FNBP1L: variants seen among roughly 807,000 people sequenced by gnomAD.
FNBP1L encodes formin binding protein 1 like, also known as formin-binding protein 1-like.
FNBP1L carries 36 observed loss-of-function variants against 91.2 expected under a neutral mutation model. The observed-to-expected ratio is 0.39, with a 90% CI of 0.30 to 0.52. The LOEUF (loss-of-function observed/expected upper bound fraction) is 0.52, where lower values mean the gene tolerates loss of function less well. Ranked by LOEUF, FNBP1L falls within the 20% of genes least tolerant of loss-of-function variation. The pLI is 0.66. For missense variants in FNBP1L, 571 were observed against 732.1 expected, an observed-to-expected ratio of 0.78 and a Z score of 2.54; for synonymous variants, 242 against 237.0, an observed-to-expected ratio of 1.02 and a Z score of -0.19.
At chr1:93,514,479 A>C (rs1246954077) in intron 2 of FNBP1L, among the ~76,000 whole-genome samples, 1 of 151,862 alleles carries the variant, frequency 6.6e-6, no homozygotes, top group Admixed American at 6.6e-5. Flanking sequence ...AAGCCAAAAG[A>C]ACAAAGCTGG....
intron 4 of FNBP1L, among the ~76,000 whole-genome samples, chr1:93,523,705 A>T (rs1671406636): frequency 6.6e-6 from 1 of 152,168 alleles, no homozygotes; most frequent in African/African-American, 2.4e-5. Flanking sequence ...GACCCAACCA[A>T]CTGCTTGGTT....
At chr1:93,523,253 A>G in intron 3 of FNBP1L, 91 bp from the exon 4 acceptor site, 1 of 1,322,388 alleles carries the variant, frequency 7.6e-7, no homozygotes, top group Non-Finnish European at 9.9e-7. Flanking sequence ...AATATGCTAA[A>G]ATTTGCGAAA....
chr1:93,459,023 C>G (rs1668767563), intron 1 of FNBP1L, among the ~76,000 whole-genome samples: 1 of 152,066 alleles, frequency 6.6e-6, no homozygotes, highest in Non-Finnish European at 1.5e-5. Context: ...GCCTGTAATC[C>G]CAGCACTTTG....
At chr1:93,547,936 A>G (rs1672296003) in intron 14 of FNBP1L, among the ~76,000 whole-genome samples, 1 of 152,180 alleles carries the variant, frequency 6.6e-6, no homozygotes, top group African/African-American at 2.4e-5. Flanking sequence ...TCCACAAATT[A>G]GGATTCACCT....
Position 93,553,678 on chromosome 1 carries a change from T to C in FNBP1L, c.*1262T>C, listed in dbSNP as rs1474905485. On this transcript the variant is annotated 3_prime_UTR_variant, in exon 17 of 17. Coordinates refer to ENST00000271234, the MANE Select transcript of FNBP1L (RefSeq NM_001164473.3). ...ACTTTGTAATGATCTATGTGCACTT[T>C]TACTTGTAAAATGGAATTTCTGTAT... is the stretch of plus-strand genomic sequence containing the variant. The C allele has an allele frequency of 6.5e-6, 1 of 152,678 alleles. No homozygotes were observed. Among genetic ancestry groups the C allele is most frequent in the Non-Finnish European group, 1.5e-5 (1 of 68,042 alleles). 9.5% of individuals were successfully genotyped at this position (152,678 alleles called of 1,614,324 possible).
intron 8 of FNBP1L, among the ~76,000 whole-genome samples, chr1:93,534,456 C>G (rs1399353395): frequency 6.6e-6 from 1 of 152,002 alleles, no homozygotes; most frequent in Non-Finnish European, 1.5e-5. Flanking sequence ...TTAAAGCTAC[C>G]AAGTAAAAAC....
intron 2 of FNBP1L, among the ~76,000 whole-genome samples, chr1:93,520,659 C>T (rs979378307): frequency 2.0e-5 from 3 of 152,040 alleles, no homozygotes; most frequent in African/African-American, 7.2e-5. Context: ...ATTTATTTCT[C>T]GTAACTGTAT....
rs542292527 is a variant in FNBP1L at position 93,504,896 on chromosome 1, CTT to C, written c.140+5314_140+5315del. Among the ~76,000 whole-genome samples the C allele has an allele frequency of 1.6e-4, 25 of 152,234 alleles. No individual in the cohort carries two copies. The East Asian group carries it at 4.6e-3, about 28-fold the overall frequency. ...ATTCTATAGGTTGCCTTTTCATTCT[CTT>C]GATTGTGTCCTTCTATGCATTGAAG... On this transcript the variant is annotated intron_variant, in intron 2 of 16. Coordinates refer to ENST00000271234, the MANE Select transcript of FNBP1L (RefSeq NM_001164473.3).
At chr1:93,494,255 A>AAG (rs2101720223) in intron 1 of FNBP1L, among the ~76,000 whole-genome samples, 1 of 152,314 alleles carries the variant, frequency 6.6e-6, no homozygotes, top group African/African-American at 2.4e-5. Context: ...CAGCTAGATG[A>AAG]AGAGGTACCT....
In FNBP1L at chr1:93,448,124, G is replaced by C; in HGVS notation, c.-158G>C. 1 of 902,110 alleles carries C rather than the reference G, an allele frequency of 1.1e-6. No homozygotes were observed. The highest frequency in any genetic ancestry group is 1.6e-6 in the Non-Finnish European group (1 of 612,682). 55.9% of individuals were successfully genotyped at this position (902,110 alleles called of 1,614,324 possible). ...CGGCGGCGGAGGCTTCTCCAGTCGC[G>C]TCTTTCTCACTCACTGGGGAGCCCG... is the stretch of plus-strand genomic sequence containing the variant. On this transcript the variant is annotated 5_prime_UTR_variant, in exon 1 of 17. Coordinates refer to ENST00000271234, the MANE Select transcript of FNBP1L (RefSeq NM_001164473.3).
At chr1:93,507,107 A>ACTCTCT (rs545137195) in intron 2 of FNBP1L, among the ~76,000 whole-genome samples, 4 of 45,514 alleles carry the variant, frequency 8.8e-5, no homozygotes, top group Non-Finnish European at 1.2e-4. Context: ...ACACACACAC[A>ACTCTCT]CTCTCTCTCT....
chr1:93,507,099 ACACACACACTCTCT>A (rs1360889354), intron 2 of FNBP1L, among the ~76,000 whole-genome samples: 815 of 65,816 alleles, frequency 0.012, no homozygotes, highest in East Asian at 0.023. Context: ...ACACACACAC[ACACACACACTCTCT>A]CTCTCTCTCT....
At chr1:93,482,016 C>T (rs1305095390) in intron 1 of FNBP1L, among the ~76,000 whole-genome samples, 1 of 151,824 alleles carries the variant, frequency 6.6e-6, no homozygotes, top group Non-Finnish European at 1.5e-5. Flanking sequence ...AAAAAATAGC[C>T]AGTTGTAGTA....
At chr1:93,511,213 G>A (rs1034286483) in intron 2 of FNBP1L, among the ~76,000 whole-genome samples, 17 of 152,140 alleles carry the variant, frequency 1.1e-4, no homozygotes, top group African/African-American at 2.7e-4. Flanking sequence ...GAGAAAGGTC[G>A]GGTTACCCTC....
chr1:93,497,248 C>T (rs993375878), intron 1 of FNBP1L, among the ~76,000 whole-genome samples: 2 of 152,146 alleles, frequency 1.3e-5, no homozygotes, highest in African/African-American at 4.8e-5. Context: ...AGGCGTGAGC[C>T]AGTGCACCTG....
At chr1:93,481,013 A>C (rs1430441616) in intron 1 of FNBP1L, among the ~76,000 whole-genome samples, 1 of 152,214 alleles carries the variant, frequency 6.6e-6, no homozygotes, top group East Asian at 1.9e-4. Flanking sequence ...TCATAATCCC[A>C]ATCGCTTCCT....
chr1:93,536,936 AAC>A (rs761700118), intron 10 of FNBP1L, among the ~76,000 whole-genome samples: 1 of 152,038 alleles, frequency 6.6e-6, no homozygotes, highest in African/African-American at 2.4e-5. Context: ...AGATGTATAA[AAC>A]AGTTTCCAAT....
At chr1:93,499,618 A>G in intron 2 of FNBP1L, 35 bp downstream of exon 2, 2 of 1,259,724 alleles carry the variant, frequency 1.6e-6, no homozygotes, top group Non-Finnish European at 2.2e-6. Flanking sequence ...TTAGAATGAA[A>G]TTACATGTTT....
At chr1:93,466,796 A>T (rs991371617) in intron 1 of FNBP1L, among the ~76,000 whole-genome samples, 2 of 152,092 alleles carry the variant, frequency 1.3e-5, no homozygotes, top group Non-Finnish European at 2.9e-5. Flanking sequence ...TTTGGGCAGT[A>T]TGGCCATTTT....
Sources: allele counts gnomAD v4.1 joint callset (sites outside exome capture counted in the v4.1 genomes callset), GRCh38; gene constraint gnomAD v4.1.1; transcripts MANE v1.5; gene names NCBI Gene and HGNC (gene_info 2026-07-23, HGNC 2026-07-21).